Variants in FOXP2 observed in about 807,000 individuals in gnomAD.
FOXP2 encodes the protein forkhead box protein P2.
Under a neutral mutation model 115.8 loss-of-function variants are expected in FOXP2, and 12 were observed. The ratio of observed to expected loss-of-function variants is 0.10; its 90% CI spans 0.07 to 0.17. FOXP2 has a LOEUF of 0.17. Among genes scored for constraint, FOXP2 ranks in the 10% least tolerant of loss-of-function variants. The probability of loss-of-function intolerance (pLI) is 1.00; values close to 1 mark genes in which losing one functional copy is unlikely to be tolerated. For synonymous variants in FOXP2, 328 were observed against 297.7 expected (o/e 1.10, Z -1.05); for missense variants, 629 against 843.5 (o/e 0.75, Z 3.15).
chr7:114,418,547 T>C (rs1411922846), intron 1 of FOXP2, among the ~76,000 whole-genome samples: 1 of 151,256 alleles, frequency 6.6e-6, no homozygotes, highest in Non-Finnish European at 1.5e-5. Context: ...TTAGGAACCA[T>C]AGAAGAAAAA....
chr7:114,326,967 T>G (rs1797569463), intron 2 of FOXP2, among the ~76,000 whole-genome samples: 1 of 152,210 alleles, frequency 6.6e-6, no homozygotes, highest in African/African-American at 2.4e-5. Flanking sequence ...GGGCTTTACA[T>G]AGGATAGATT....
At position 114,245,763 on chromosome 7, in the gene FOXP2, ATGTT is replaced by A. The variant is rs535562798; in HGVS notation, c.-101-42252_-101-42249del. The stretch of plus-strand genomic sequence containing the variant: ...ATAAGACTTGTACATGTGTTTGTGA[ATGTT>A]TGTGCACTTTTAAATCTTCTAAGTG... On this transcript the variant is annotated intron_variant, in intron 1 of 17. Transcript: ENST00000634411. Among the ~76,000 whole-genome samples, 745 of 152,254 alleles carry A rather than the reference ATGTT, an allele frequency of 4.9e-3. 5 individuals carry two copies. The highest frequency in any genetic ancestry group is 7.5e-3 in the Non-Finnish European group (511 of 67,990).
At chr7:114,596,496 C>T (rs137911192) in intron 3 of FOXP2, among the ~76,000 whole-genome samples, 1,525 of 152,086 alleles carry the variant, frequency 0.01, 20 homozygotes, top group African/African-American at 0.035. Flanking sequence ...ACTAATCAGC[C>T]ATTTAACAAG....
intron 2 of FOXP2, among the ~76,000 whole-genome samples, chr7:114,442,348 AT>A (rs61403290): frequency 0.34 from 50,178 of 145,618 alleles, 8,762 homozygotes; most frequent in African/African-American, 0.45. Flanking sequence ...GGCAAGAGGG[AT>A]TTTTTTTTTT....
chr7:114,630,806 G>C (rs566930794), intron 5 of FOXP2, among the ~76,000 whole-genome samples: 40 of 152,158 alleles, frequency 2.6e-4, no homozygotes, highest in African/African-American at 8.0e-4. Flanking sequence ...TATGCAGTCT[G>C]TTTTCCAGTG....
At chr7:114,350,155 G>A (rs1288036923) in intron 2 of FOXP2, among the ~76,000 whole-genome samples, 2 of 152,040 alleles carry the variant, frequency 1.3e-5, no homozygotes, top group Non-Finnish European at 2.9e-5. Context: ...TTTACTTTAA[G>A]TTCTGCGATA....
At chr7:114,167,113 C>A (rs2129151927) in intron 1 of FOXP2, among the ~76,000 whole-genome samples, 1 of 152,288 alleles carries the variant, frequency 6.6e-6, no homozygotes, top group Non-Finnish European at 1.5e-5. Context: ...AACGTAAGTC[C>A]ACACAAAAAC....
In FOXP2 at chr7:114,629,850, C is replaced by A; in HGVS notation, c.442C>A (p.Leu148Ile). 1 of 1,612,172 alleles carries A rather than the reference C, an allele frequency of 6.2e-7. No homozygotes were observed. Among genetic ancestry groups the A allele is most frequent in the South Asian group, 1.1e-5 (1 of 90,998 alleles). ...CAAGAAACAGCAAGAGCAGTTACAT[C>A]TTCAGCTTTTGCAGCAGCAGCAGCA... The part of the protein sequence containing the change: ...FYKKQQEQLH[L>I]QLLQQQQQQQ... The change falls in exon 5 of 17, where the codon CTT (leucine) becomes ATT (isoleucine). Residue 148 changes from leucine to isoleucine, a missense_variant. Physicochemically the swap from Leu to Ile is conservative, Grantham distance 5. This residue lies in a region of FOXP2 where 138 missense variants were observed against 205.1 expected (regional missense o/e 0.67). Transcript: ENST00000350908.
rs1808779240 is a variant in FOXP2, at chr7:114,693,404, AT to A, written c.*3479del. 2.2e-6 allele frequency: 1 copy of A among 453,644 alleles called. No homozygotes were observed. The highest frequency in any genetic ancestry group is 2.0e-5 in the African/African-American group (1 of 49,988). 28.1% of individuals were successfully genotyped at this position (453,644 alleles called of 1,614,324 possible). The stretch of plus-strand genomic sequence containing the variant: ...GGCAGATTCAGTCGCAAAATCCAAT[AT>A]GATATTTTGTAAAGTTTTCAAGTTG... On this transcript the variant is annotated 3_prime_UTR_variant, in exon 17 of 17. Coordinates refer to ENST00000350908, the MANE Select transcript of FOXP2 (RefSeq NM_014491.4).
chr7:114,470,929 A>G (rs1796016989), intron 2 of FOXP2, among the ~76,000 whole-genome samples: 1 of 152,094 alleles, frequency 6.6e-6, no homozygotes, highest in African/African-American at 2.4e-5. Context: ...GCTGTTCTAT[A>G]ACCCTGGGGT....
In FOXP2 at chr7:114,693,231, GAGA is replaced by G; in HGVS notation, c.*3307_*3309del. On this transcript the variant is annotated 3_prime_UTR_variant, in exon 17 of 17. Coordinates refer to ENST00000350908, the MANE Select transcript of FOXP2 (RefSeq NM_014491.4). ...GTTTTCTTTAGATAACTCAGATATG[GAGA>G]AAATGTCATCAGCATTCTGTGTCTA... The G allele has an allele frequency of 2.2e-6, 1 of 449,716 alleles. No homozygotes were observed. The highest frequency in any genetic ancestry group is 4.5e-6 in the Non-Finnish European group (1 of 224,116). The allele number at this position is 449,716 out of a possible 1,614,324, so 27.9% of individuals were successfully genotyped here.
rs1794235029 is a variant in FOXP2, at chr7:114,207,710, G to T, written c.-102+44622G>T. ...AATCTTTTTTAGAAAGCTTTAAAAAGTATGTTAAGGTTTATAGCAATTTGA... is the reference window on the plus strand; with the variant it reads ...AATCTTTTTTAGAAAGCTTTAAAAATTATGTTAAGGTTTATAGCAATTTGA... On this transcript the variant is annotated intron_variant, in intron 1 of 17. Transcript: ENST00000634411. Among the ~76,000 whole-genome samples the T allele has an allele frequency of 6.6e-5, 10 of 152,182 alleles. No individual in the cohort carries two copies. The South Asian group carries it at 2.1e-3, about 32-fold the overall frequency.
At chr7:114,666,725 T>C (rs1807180165) in intron 16 of FOXP2, 1 of 152,126 alleles carries the variant, frequency 6.6e-6, no homozygotes, top group Admixed American at 6.6e-5. Context: ...AGAACATAGG[T>C]TGTAATGCCA....
intron 2 of FOXP2, among the ~76,000 whole-genome samples, chr7:114,531,293 G>T (rs1799132998): frequency 6.6e-6 from 1 of 151,836 alleles, no homozygotes; most frequent in South Asian, 2.1e-4. Flanking sequence ...TGTATTGATA[G>T]AAGTGGCAAG....
intron 2 of FOXP2, among the ~76,000 whole-genome samples, chr7:114,370,738 A>G (rs1791984346): frequency 6.6e-6 from 1 of 152,214 alleles, no homozygotes; most frequent in Non-Finnish European, 1.5e-5. Context: ...TTTGTCAATA[A>G]CAATGCTAAA....
chr7:114,262,224 G>A (rs754997132), intron 1 of FOXP2, among the ~76,000 whole-genome samples: 11 of 152,060 alleles, frequency 7.2e-5, no homozygotes, highest in Non-Finnish European at 1.3e-4. Flanking sequence ...AGGAGTTCAA[G>A]ACCAGCCTGG....
intron 2 of FOXP2, among the ~76,000 whole-genome samples, chr7:114,319,779 A>G (rs923574203): frequency 2.6e-5 from 4 of 152,192 alleles, no homozygotes; most frequent in African/African-American, 9.7e-5. Flanking sequence ...TACTAGAAAA[A>G]TCAATAAAGA....
intron 2 of FOXP2, among the ~76,000 whole-genome samples, chr7:114,515,748 T>G (rs1245816307): frequency 6.6e-6 from 1 of 152,146 alleles, no homozygotes; most frequent in Non-Finnish European, 1.5e-5. Flanking sequence ...CAATTTTGGC[T>G]TTTGTTGCCA....
At chr7:114,677,881 A>G (rs1451411651) in intron 16 of FOXP2, among the ~76,000 whole-genome samples, 2 of 152,286 alleles carry the variant, frequency 1.3e-5, no homozygotes, top group East Asian at 1.9e-4. Flanking sequence ...AATTGGATAA[A>G]CATTTATTGA....
Sources: gnomAD v4.1 joint callset for allele counts (sites outside exome capture counted in the v4.1 genomes callset) on GRCh38, gnomAD v4.1.1 for gene constraint, gnomAD v4.1.1 regional missense constraint, MANE v1.5 for transcripts, NCBI Gene and HGNC (gene_info 2026-07-23, HGNC 2026-07-21) for gene names.